CCSER1: variants seen among roughly 807,000 people sequenced by gnomAD.
The protein encoded by CCSER1 is serine-rich coiled-coil domain-containing protein 1.
Under a neutral mutation model 82.0 loss-of-function variants are expected in CCSER1, and 41 were observed. The ratio of observed to expected loss-of-function variants is 0.50; its 90% confidence interval spans 0.39 to 0.65. The LOEUF (loss-of-function observed/expected upper bound fraction) is 0.65, where lower values mean the gene tolerates loss of function less well. CCSER1 is among the 30% of genes least tolerant of loss of function. The pLI, the probability that CCSER1 is intolerant of heterozygous loss-of-function variation, is 0.00. For missense variants in CCSER1, 1,119 were observed against 1,064.2 expected (o/e 1.05, Z -0.72); for synonymous variants, 414 against 383.9 (o/e 1.08, Z -0.92).
chr4:91,543,228 A>G (rs779902776), intron 10 of CCSER1, among the ~76,000 whole-genome samples: 1 of 152,174 alleles, frequency 6.6e-6, no homozygotes, highest in Non-Finnish European at 1.5e-5. Flanking sequence ...TGAATACAGC[A>G]CACTGATGGG....
chr4:90,288,867 G>A (rs1195283850), intron 1 of CCSER1, among the ~76,000 whole-genome samples: 2 of 151,914 alleles, frequency 1.3e-5, no homozygotes, highest in African/African-American at 4.8e-5. Flanking sequence ...TTGTGAATCT[G>A]TTTAGGATGC....
At chr4:91,186,174 T>C (rs756343056) in intron 10 of CCSER1, among the ~76,000 whole-genome samples, 1 of 152,100 alleles carries the variant, frequency 6.6e-6, no homozygotes, top group Non-Finnish European at 1.5e-5. Flanking sequence ...ATCTGGAGGG[T>C]CTTTTTCTTC....
At chr4:90,761,670 A>G (rs1191227237) in intron 7 of CCSER1, among the ~76,000 whole-genome samples, 1 of 152,212 alleles carries the variant, frequency 6.6e-6, no homozygotes, top group Non-Finnish European at 1.5e-5. Flanking sequence ...ATCTATAAAC[A>G]TTACCCCAAA....
At chr4:90,478,858 A>T (rs1487920773) in intron 5 of CCSER1, among the ~76,000 whole-genome samples, 1 of 151,282 alleles carries the variant, frequency 6.6e-6, no homozygotes, top group Admixed American at 6.6e-5. Flanking sequence ...CTCCTGCCTC[A>T]GCCTACTGAG....
chr4:90,847,018 C>T (rs1270207446), intron 8 of CCSER1, among the ~76,000 whole-genome samples: 1 of 152,168 alleles, frequency 6.6e-6, no homozygotes, highest in Non-Finnish European at 1.5e-5. Flanking sequence ...GGGGTGTCTT[C>T]GTTCCCTCTG....
At chr4:90,729,664 A>T (rs537855261) in intron 7 of CCSER1, among the ~76,000 whole-genome samples, 1 of 152,254 alleles carries the variant, frequency 6.6e-6, no homozygotes, top group Admixed American at 6.5e-5. Flanking sequence ...TCACAAGGTC[A>T]GGGGATCGAG....
At chr4:90,231,085 C>T (rs1408999526) in intron 1 of CCSER1, among the ~76,000 whole-genome samples, 1 of 152,070 alleles carries the variant, frequency 6.6e-6, no homozygotes. Context: ...CTATTCCAAT[C>T]AACAGAAAAA....
chr4:91,321,509 A>T (rs2149265298), intron 10 of CCSER1, among the ~76,000 whole-genome samples: 1 of 152,244 alleles, frequency 6.6e-6, no homozygotes, highest in African/African-American at 2.4e-5. Flanking sequence ...AGTATTGAAA[A>T]TAAACAGTTT....
chr4:91,090,565 A>G (rs2148825247), intron 10 of CCSER1, among the ~76,000 whole-genome samples: 1 of 152,284 alleles, frequency 6.6e-6, no homozygotes, highest in African/African-American at 2.4e-5. Flanking sequence ...AGGCTTTTAG[A>G]ACCCAGAAAT....
chr4:90,462,043 T>C (rs1762991796), intron 4 of CCSER1, among the ~76,000 whole-genome samples: 1 of 151,250 alleles, frequency 6.6e-6, no homozygotes, highest in African/African-American at 2.5e-5. Context: ...GTATCTTATC[T>C]GCTTCTTTTT....
chr4:90,774,934 G>T (rs901106162), intron 7 of CCSER1, among the ~76,000 whole-genome samples: 1 of 152,116 alleles, frequency 6.6e-6, no homozygotes, highest in Non-Finnish European at 1.5e-5. Flanking sequence ...AAAATGGACA[G>T]CTATCATGAA....
intron 9 of CCSER1, among the ~76,000 whole-genome samples, chr4:91,056,208 G>T (rs987793006): frequency 1.3e-5 from 2 of 151,830 alleles, no homozygotes; most frequent in Admixed American, 1.3e-4. Flanking sequence ...TTGTTGGTTT[G>T]TTTTTTCCTT....
Position 91,076,119 on chromosome 4 carries a change from A to T in CCSER1, c.2173-9831A>T, listed in dbSNP as rs76283767. ...GAAACACAATCTTGTCTAAAGCCCT[A>T]GTATCATATGGAAAATCCTCTTAAG... On this transcript the variant is annotated intron_variant, in intron 9 of 10. Coordinates refer to ENST00000509176, the MANE Select transcript of CCSER1 (RefSeq NM_001145065.2). Among the ~76,000 whole-genome samples, 1,177 of 152,262 alleles carry T rather than the reference A, an allele frequency of 7.7e-3. 11 individuals carry two copies. Among genetic ancestry groups the T allele is most frequent in the African/African-American group, 0.026 (1,091 of 41,566 alleles).
chr4:90,570,165 G>A lies in CCSER1; in HGVS notation c.1725-57860G>A, dbSNP rs542422912. ...CTTTGTGTGCCAGTATGGGAGCTGG[G>A]CATCCCTCCCTTCATAAGACCAGCC... On this transcript the variant is annotated intron_variant, in intron 5 of 10. Transcript: ENST00000509176. 3.9e-5 allele frequency among the ~76,000 whole-genome samples: 6 copies of A among 152,314 alleles called. No homozygotes were observed. In the South Asian group the frequency reaches 1.0e-3, roughly 26 times the overall value.
chr4:91,420,231 A>G (rs950212251), intron 10 of CCSER1, among the ~76,000 whole-genome samples: 1 of 152,146 alleles, frequency 6.6e-6, no homozygotes, highest in Non-Finnish European at 1.5e-5. Context: ...GCTTCAGCAC[A>G]GCAAAGGAAA....
intron 10 of CCSER1, among the ~76,000 whole-genome samples, chr4:91,166,564 T>C (rs973697321): frequency 2.6e-5 from 4 of 152,216 alleles, no homozygotes; most frequent in African/African-American, 4.8e-5. Flanking sequence ...TAAAACAATA[T>C]ACCAAGCAAA....
At chr4:90,920,285 A>G (rs544057996) in intron 8 of CCSER1, among the ~76,000 whole-genome samples, 4 of 152,098 alleles carry the variant, frequency 2.6e-5, no homozygotes, top group South Asian at 4.1e-4. Flanking sequence ...TCATTCAGTT[A>G]AAATATTTTA....
intron 1 of CCSER1, among the ~76,000 whole-genome samples, chr4:90,264,455 A>C (rs1348527003): frequency 6.6e-6 from 1 of 152,190 alleles, no homozygotes; most frequent in South Asian, 2.1e-4. Context: ...ATAAAAAGTT[A>C]GTTTATTACA....
chr4:91,100,617 A>C (rs1446670707), intron 10 of CCSER1, among the ~76,000 whole-genome samples: 1 of 152,202 alleles, frequency 6.6e-6, no homozygotes, highest in African/African-American at 2.4e-5. Context: ...AACCTCAAAT[A>C]TTCTATTTCC....
Sources: allele counts gnomAD v4.1 joint callset (sites outside exome capture counted in the v4.1 genomes callset), GRCh38; gene constraint gnomAD v4.1.1; transcripts MANE v1.5; gene names NCBI Gene and HGNC (gene_info 2026-07-23, HGNC 2026-07-21).